Variants in STT3A observed in about 807,000 individuals in gnomAD.
STT3A encodes dolichyl-diphosphooligosaccharide--protein glycosyltransferase subunit STT3A.
STT3A carries 34 observed loss-of-function variants against 89.2 expected under a neutral mutation model. The observed-to-expected ratio is 0.38, with a 90% confidence interval of 0.29 to 0.51. The LOEUF is 0.51. Among genes scored for constraint, STT3A ranks in the 20% least tolerant of loss-of-function variants. The pLI is 0.89. For missense variants in STT3A, 555 were observed against 889.5 expected (o/e 0.62, Z 4.78); for synonymous variants, 282 against 310.3 (o/e 0.91, Z 0.96).
At chr11:125,594,427 A>C (rs1939421253) in intron 1 of STT3A, among the ~76,000 whole-genome samples, 1 of 152,032 alleles carries the variant, frequency 6.6e-6, no homozygotes, top group South Asian at 2.1e-4. Context: ...TAAAAATACA[A>C]AAATTAGCTG....
chr11:125,607,709 T>C (rs1278497398), intron 8 of STT3A, among the ~76,000 whole-genome samples: 1 of 152,228 alleles, frequency 6.6e-6, no homozygotes, highest in Non-Finnish European at 1.5e-5. Context: ...AAAGAATGAT[T>C]AAGTGCTAGA....
rs753677895 is a variant in STT3A at position 125,620,144 on chromosome 11, G to A, written c.2079+18G>A. ...TATACAAGGTAAGCAGATGCTATACGTCTCAGAAAGCAACTTTTATTTTTG... is the reference window on the plus strand; with the variant it reads ...TATACAAGGTAAGCAGATGCTATACATCTCAGAAAGCAACTTTTATTTTTG... On this transcript the variant is annotated intron_variant, in intron 17 of 17. Transcript: ENST00000392708. 4.4e-6 allele frequency: 7 copies of A among 1,588,690 alleles called. No individual in the cohort carries two copies. In the East Asian group the frequency reaches 6.7e-5, roughly 15 times the overall value.
At chr11:125,611,298 G>C (rs1940008547) in intron 10 of STT3A, 130 bp from the exon 11 acceptor site, 1 of 695,904 alleles carries the variant, frequency 1.4e-6, no homozygotes. Flanking sequence ...GTTTTTTTAG[G>C]ATAAATTCCT....
In STT3A at chr11:125,602,444, T is replaced by G. The variant is rs745712052; in HGVS notation, c.271+20T>G. 18 of 1,532,576 alleles carry G rather than the reference T, an allele frequency of 1.2e-5. No homozygotes were observed. The highest frequency in any genetic ancestry group is 1.0e-4 in the South Asian group (8 of 79,788). 94.9% of individuals were successfully genotyped at this position (1,532,576 alleles called of 1,614,324 possible). On this transcript the variant is annotated intron_variant, in intron 4 of 17. Transcript: ENST00000392708. Reference sequence around the variant, plus strand: ...ACCCAGGTGAGGAGACCAGATGTGTTTTTTTTTTTAAAAAAAAAACAGAAA... The same window carrying G: ...ACCCAGGTGAGGAGACCAGATGTGTGTTTTTTTTTAAAAAAAAAACAGAAA...
rs577017625 is a variant in STT3A at position 125,621,513 on chromosome 11, C to G, written c.*703C>G. 5.9e-5 allele frequency: 9 copies of G among 152,294 alleles called. No homozygotes were observed. In the South Asian group the frequency reaches 1.9e-3, roughly 32 times the overall value. The allele number at this position is 152,294 out of a possible 1,614,324, so 9.4% of individuals were successfully genotyped here. On this transcript the variant is annotated 3_prime_UTR_variant, in exon 18 of 18. Transcript: ENST00000392708. ...AACTCTTCCAGCATTACATATAGAG[C>G]TTGATGGTCAGTAGGTGTTTTTGAA...
intron 12 of STT3A, 62 bp from the exon 13 acceptor site, chr11:125,612,927 T>C (rs1940070018): frequency 6.3e-7 from 1 of 1,575,884 alleles, no homozygotes; most frequent in African/African-American, 1.4e-5. Flanking sequence ...TCTAAGAAGT[T>C]GTCCTGTGTT....
Position 125,613,974 on chromosome 11 carries a change from T to C in STT3A, c.1555-113T>C. On this transcript the variant is annotated intron_variant, in intron 13 of 17. Transcript: ENST00000392708. The surrounding 1 kb of genome is among the most constrained non-coding windows in gnomAD (Gnocchi z 4.2). ...TGACATGCATTACTTTGTGAAGAAA[T>C]TGATTAGTTAGCCAGGTGTCACTTC... The C allele has an allele frequency of 1.2e-6, 1 of 840,650 alleles. No individual in the cohort carries two copies. The highest frequency in any genetic ancestry group is 2.0e-6 in the Non-Finnish European group (1 of 512,050). 52.1% of individuals were successfully genotyped at this position (840,650 alleles called of 1,614,324 possible). A position where few individuals can be genotyped will look rare whatever the true frequency, so the allele number is the denominator to read the frequency against.
At chr11:125,593,722 C>G (rs982340375) in intron 1 of STT3A, 8 of 152,118 alleles carry the variant, frequency 5.3e-5, no homozygotes, top group Non-Finnish European at 1.0e-4. Flanking sequence ...TTTTTAGTTG[C>G]AAAGTAAGCT....
At position 125,609,590 on chromosome 11, in the gene STT3A, G is replaced by A; in HGVS notation, c.1117+1G>A. 1.2e-6 allele frequency: 2 copies of A among 1,608,102 alleles called. No individual in the cohort carries two copies. Among genetic ancestry groups the A allele is most frequent in the Non-Finnish European group, 1.7e-6 (2 of 1,178,196 alleles). On this transcript the variant is annotated splice_donor_variant, in intron 10 of 17. Transcript: ENST00000392708. LOFTEE classifies it high-confidence loss of function. Reference sequence around the variant, plus strand: ...CAGCTCCTCGTCTTCATGTTTCCAGGTATGTGGCCTCGTGTTCTGAAATGG... The same window carrying A: ...CAGCTCCTCGTCTTCATGTTTCCAGATATGTGGCCTCGTGTTCTGAAATGG...
rs1197062112 is a variant in STT3A at position 125,614,987 on chromosome 11, A to C, written c.1774+561A>C. Among the ~76,000 whole-genome samples, 1 of 152,128 alleles carries C rather than the reference A, an allele frequency of 6.6e-6. No homozygotes were observed. Among genetic ancestry groups the C allele is most frequent in the Non-Finnish European group, 1.5e-5 (1 of 68,016 alleles). ...CTGTTTACACTTTAAAAAGTTAAGC[A>C]GTTCACAGCCGGGTGTGGTGGCTCA... On this transcript the variant is annotated intron_variant, in intron 15 of 17. Transcript: ENST00000392708. The surrounding 1 kb of genome is among the most constrained non-coding windows in gnomAD (Gnocchi z 4.9).
intron 16 of STT3A, among the ~76,000 whole-genome samples, chr11:125,619,152 C>T (rs1324320049): frequency 6.6e-6 from 1 of 151,978 alleles, no homozygotes; most frequent in African/African-American, 2.4e-5. Context: ...CCGGTTCAAG[C>T]GATTCTCCTG....
In STT3A at chr11:125,614,858, T is replaced by C. The variant is rs1940130456; in HGVS notation, c.1774+432T>C. Among the ~76,000 whole-genome samples, 1 of 151,852 alleles carries C rather than the reference T, an allele frequency of 6.6e-6. No homozygotes were observed. Among genetic ancestry groups the C allele is most frequent in the Non-Finnish European group, 1.5e-5 (1 of 67,982 alleles). On this transcript the variant is annotated intron_variant, in intron 15 of 17. Coordinates refer to ENST00000392708, the MANE Select transcript of STT3A (RefSeq NM_152713.5). The surrounding 1 kb of genome is among the most constrained non-coding windows in gnomAD (Gnocchi z 4.9). ...TATATAAAATATATATAAATAAAAG[T>C]GTGTGTAAAATGGAGGTTACCATGT... is the stretch of plus-strand genomic sequence containing the variant.
intron 8 of STT3A, among the ~76,000 whole-genome samples, chr11:125,607,617 G>A (rs1939877362): frequency 6.6e-6 from 1 of 152,214 alleles, no homozygotes; most frequent in Admixed American, 6.5e-5. Flanking sequence ...TGGAGGTGGG[G>A]CTCAGCGATC....
intron 8 of STT3A, among the ~76,000 whole-genome samples, chr11:125,607,540 C>T (rs1479738959): frequency 3.3e-5 from 5 of 152,182 alleles, no homozygotes; most frequent in Non-Finnish European, 5.9e-5. Context: ...GCAGCAGCAG[C>T]TAGAAACTTG....
intron 5 of STT3A, 53 bp downstream of exon 5, chr11:125,603,001 C>T: frequency 6.2e-7 from 1 of 1,602,086 alleles, no homozygotes; most frequent in South Asian, 1.1e-5. Context: ...TTGAGCCTCT[C>T]TAATCGATGC....
chr11:125,603,046 G>A (rs532033284), intron 5 of STT3A, 98 bp downstream of exon 5: 1 of 1,451,622 alleles, frequency 6.9e-7, no homozygotes, highest in African/African-American at 1.4e-5. Flanking sequence ...GAAAGGCAGG[G>A]AGCCAGAAGG....
At chr11:125,619,841 C>T (rs1940295871) in intron 16 of STT3A, among the ~76,000 whole-genome samples, 170 bp from the exon 17 acceptor site, 1 of 152,184 alleles carries the variant, frequency 6.6e-6, no homozygotes, top group Non-Finnish European at 1.5e-5. Flanking sequence ...GCTAGGGTAA[C>T]ACTTGATTTG....
At chr11:125,615,956 T>C (rs903239237) in intron 15 of STT3A, among the ~76,000 whole-genome samples, 1 of 152,146 alleles carries the variant, frequency 6.6e-6, no homozygotes, top group Non-Finnish European at 1.5e-5. Flanking sequence ...AGATAATCAC[T>C]TGAACCCAGG....
chr11:125,618,059 C>A (rs983538938), intron 15 of STT3A, among the ~76,000 whole-genome samples: 5 of 152,134 alleles, frequency 3.3e-5, no homozygotes, highest in African/African-American at 4.8e-5. Flanking sequence ...TTCAGCTGCT[C>A]AGCAGCTATA....
Sources: allele counts gnomAD v4.1 joint callset (sites outside exome capture counted in the v4.1 genomes callset), GRCh38; gene constraint gnomAD v4.1.1; non-coding constraint Gnocchi (gnomAD v3.1); transcripts MANE v1.5; gene names NCBI Gene and HGNC (gene_info 2026-07-23, HGNC 2026-07-21).